The following BRCA1 variants were observed in gnomAD, a reference collection of about 807,000 sequenced individuals.
The protein encoded by BRCA1 is BRCA1 DNA repair associated, also known as breast cancer type 1 susceptibility protein.
Under a neutral mutation model 173.7 loss-of-function variants are expected in BRCA1, and 140 were observed. The ratio of observed to expected loss-of-function variants is 0.81; its 90% CI spans 0.70 to 0.93. The LOEUF is 0.93. BRCA1 is among the 40% of genes least tolerant of loss of function. The pLI, the probability that BRCA1 is intolerant of heterozygous loss-of-function variation, is 0.00. For missense variants in BRCA1, 1,983 were observed against 2,172.5 expected, an observed-to-expected ratio of 0.91 and a Z score of 1.73; for synonymous variants, 662 against 756.0, an observed-to-expected ratio of 0.88 and a Z score of 2.04.
At chr17:43,145,826 T>G (rs1472383505) in intron 1 of BRCA1, among the ~76,000 whole-genome samples, 3 of 152,168 alleles carry the variant, frequency 2.0e-5, no homozygotes, top group Non-Finnish European at 4.4e-5. Context: ...ATGGGAGACT[T>G]TGACAGTCTC....
In BRCA1 at chr17:43,092,318, T is replaced by C. The variant is rs528254652; in HGVS notation, c.3213A>G (p.Glu1071=). The change falls in exon 10 of 23, where the codon GAA becomes GAG. Residue 1071 remains glutamate, a synonymous_variant. Coordinates refer to ENST00000357654, the MANE Select transcript of BRCA1 (RefSeq NM_007294.4). ...IGSSDENIQA[E]LGRNRGPKLN... ...ATTTTGGCCCTCTGTTTCTACCTAG[T>C]TCTGCTTGAATGTTTTCATCACTGG... 6.2e-7 allele frequency: 1 copy of C among 1,613,920 alleles called. No individual in the cohort carries two copies. Among genetic ancestry groups the C allele is most frequent in the Admixed American group, 1.7e-5 (1 of 60,002 alleles).
intron 12 of BRCA1, among the ~76,000 whole-genome samples, chr17:43,079,009 G>A (rs1201929624): frequency 6.6e-6 from 1 of 152,134 alleles, no homozygotes; most frequent in South Asian, 2.1e-4. Flanking sequence ...AGACCAGCCC[G>A]GCCAACATGG....
chr17:43,124,226 G>GAA (rs1179987702), intron 1 of BRCA1, 111 bp from the exon 2 acceptor site: 18 of 717,756 alleles, frequency 2.5e-5, no homozygotes, highest in Non-Finnish European at 3.9e-5. Context: ...GAAGGTTTTA[G>GAA]AATAATACAA....
At chr17:43,052,780 AAC>A (rs562562021) in intron 19 of BRCA1, among the ~76,000 whole-genome samples, 20 of 118,096 alleles carry the variant, frequency 1.7e-4, no homozygotes, top group African/African-American at 6.3e-4. Context: ...GACGGACAGA[AAC>A]ACACACACAC....
In BRCA1 at chr17:43,049,448, T is replaced by C. The variant is rs8176303; in HGVS notation, c.5333-254A>G. On this transcript the variant is annotated intron_variant, in intron 20 of 22. Coordinates refer to ENST00000357654, the MANE Select transcript of BRCA1 (RefSeq NM_007294.4). ...GTATAAGGTTTGATAGTCTCTCAAA[T>C]AAAATGCTTGAAAGAAAAAAAAATC... Among the ~76,000 whole-genome samples, 227 of 152,222 alleles carry C rather than the reference T, an allele frequency of 1.5e-3. 4 individuals carry two copies. In the East Asian group the frequency reaches 0.041, roughly 27 times the overall value.
intron 2 of BRCA1, among the ~76,000 whole-genome samples, chr17:43,116,432 C>T: frequency 6.6e-6 from 1 of 152,202 alleles, no homozygotes; most frequent in Admixed American, 6.5e-5. Context: ...GTGGTGCAAA[C>T]ATACCTCACT....
chr17:43,136,814 C>T (rs1332749271), intron 1 of BRCA1, among the ~76,000 whole-genome samples: 8 of 152,176 alleles, frequency 5.3e-5, no homozygotes, highest in African/African-American at 9.7e-5. Flanking sequence ...GAAATAGGAA[C>T]GCTTTTACGC....
At chr17:43,151,807 G>T (rs934866568) in intron 1 of BRCA1, among the ~76,000 whole-genome samples, 3 of 152,192 alleles carry the variant, frequency 2.0e-5, no homozygotes, top group Non-Finnish European at 4.4e-5. Context: ...GAGGAGGGAA[G>T]ATCACTTCAG....
intron 1 of BRCA1, among the ~76,000 whole-genome samples, chr17:43,134,685 T>C (rs1220071312): frequency 6.6e-6 from 1 of 152,170 alleles, no homozygotes; most frequent in Non-Finnish European, 1.5e-5. Context: ...TGCTCAACCA[T>C]GAACTGCACT....
At chr17:43,109,045 T>TCTATCTACCTAC (rs1240206424) in intron 3 of BRCA1, among the ~76,000 whole-genome samples, 3 of 152,036 alleles carry the variant, frequency 2.0e-5, no homozygotes, top group Admixed American at 2.0e-4. Flanking sequence ...TATATCTCTA[T>TCTATCTACCTAC]CTATCTACCT....
At chr17:43,050,326 G>C (rs780947950) in intron 20 of BRCA1, 14 of 367,676 alleles carry the variant, frequency 3.8e-5, no homozygotes, top group Non-Finnish European at 5.3e-5. Flanking sequence ...TTCATGGAGA[G>C]GGCTGGGCAC....
At chr17:43,133,426 C>G (rs1413715559) in intron 1 of BRCA1, among the ~76,000 whole-genome samples, 1 of 152,068 alleles carries the variant, frequency 6.6e-6, no homozygotes, top group Non-Finnish European at 1.5e-5. Flanking sequence ...CATTTTGGAC[C>G]CGTCCCCAGG....
intron 6 of BRCA1, among the ~76,000 whole-genome samples, chr17:43,103,682 A>C (rs1332256951): frequency 6.6e-6 from 1 of 152,170 alleles, no homozygotes; most frequent in African/African-American, 2.4e-5. Flanking sequence ...AACTGATTAG[A>C]ACACTTGTCT....
chr17:43,135,353 C>T (rs555160772), intron 1 of BRCA1, among the ~76,000 whole-genome samples: 9 of 152,370 alleles, frequency 5.9e-5, no homozygotes, highest in Admixed American at 2.6e-4. Flanking sequence ...TTCCAACTGC[C>T]GTTTGGGATG....
chr17:43,094,789 T>C lies in BRCA1; in HGVS notation c.742A>G (p.Thr248Ala), dbSNP rs879255288. Reference sequence around the variant, plus strand: ...CTCTCAGCTGCACGCTTCTCAGTGGTGTTCAAATCATTATTACTGGGTTGA... The same window carrying C: ...CTCTCAGCTGCACGCTTCTCAGTGGCGTTCAAATCATTATTACTGGGTTGA... ...HHQPSNNDLN[T>A]TEKRAAERHP... The change falls in exon 10 of 23, where the codon ACC (threonine) becomes GCC (alanine). Residue 248 changes from threonine (T) to alanine (A), a missense_variant. Physicochemically the swap from Thr to Ala is moderately conservative, Grantham distance 58. Transcript: ENST00000357654. 6.2e-7 allele frequency: 1 copy of C among 1,613,240 alleles called. No individual in the cohort carries two copies.
Position 43,051,099 on chromosome 17 carries a change from T to C in BRCA1, c.5296A>G (p.Ile1766Val), listed in dbSNP as rs886039314. 6.2e-7 allele frequency: 1 copy of C among 1,614,014 alleles called. No homozygotes were observed. The highest frequency in any genetic ancestry group is 8.5e-7 in the Non-Finnish European group (1 of 1,179,966). Residue 1766 changes from isoleucine (I) to valine (V), a missense_variant, in exon 20 of 23, where the codon ATC becomes GTC. Physicochemically the swap from Ile to Val is conservative, Grantham distance 29 (BLOSUM62 3). Coordinates refer to ENST00000357654, the MANE Select transcript of BRCA1 (RefSeq NM_007294.4). Reference sequence around the variant, plus strand: ...TTGGTGAAGGGCCCATAGCAACAGATTTCTAGCCCCCTGAAGATCTGGAAG... The same window carrying C: ...TTGGTGAAGGGCCCATAGCAACAGACTTCTAGCCCCCTGAAGATCTGGAAG... ...QDRKIFRGLE[I>V]CCYGPFTNMP...
Position 43,104,211 on chromosome 17 carries a change from G to C in BRCA1, c.352C>G (p.Leu118Val), listed in dbSNP as rs876659315. ...TGGATGATAGAAACTTCATCTTTTA[G>C]ATGTTCAGGAGAGTTATTTTCCTTT... ...AKKENNSPEH[L>V]KDEVSIIQSM... is the part of the protein sequence containing the mutation. Residue 118 changes from leucine to valine, a missense_variant, in exon 6 of 23, where the codon CTA (leucine) becomes GTA (valine). Leu to Val is a conservative substitution (Grantham distance 32, BLOSUM62 1). Coordinates refer to ENST00000357654, the MANE Select transcript of BRCA1 (RefSeq NM_007294.4). 3 of 1,613,188 alleles carry C rather than the reference G, an allele frequency of 1.9e-6. No individual in the cohort carries two copies. The highest frequency in any genetic ancestry group is 2.5e-6 in the Non-Finnish European group (3 of 1,179,208).
intron 1 of BRCA1, among the ~76,000 whole-genome samples, chr17:43,135,075 C>G (rs1323573393): frequency 1.3e-5 from 2 of 152,254 alleles, no homozygotes. Context: ...TGGCTTTGGG[C>G]TTGCCCACGT....
intron 1 of BRCA1, among the ~76,000 whole-genome samples, chr17:43,155,374 C>T (rs982000448): frequency 2.0e-5 from 3 of 151,982 alleles, no homozygotes; most frequent in African/African-American, 7.3e-5. Flanking sequence ...GCCACCATGC[C>T]CGGCCATCTT....
Sources: gnomAD v4.1 joint callset for allele counts (sites outside exome capture counted in the v4.1 genomes callset) on GRCh38, gnomAD v4.1.1 for gene constraint, MANE v1.5 for transcripts, NCBI Gene and HGNC (gene_info 2026-07-23, HGNC 2026-07-21) for gene names.